Variants in HS3ST3A1 observed in about 807,000 individuals in gnomAD.
HS3ST3A1 encodes the protein heparan sulfate-glucosamine 3-sulfotransferase 3A1.
A neutral mutation model predicts 25.7 loss-of-function variants in HS3ST3A1; 19 were observed. The observed-to-expected ratio is 0.74, with a 90% confidence interval of 0.52 to 1.08. HS3ST3A1 has a LOEUF of 1.08. Ranked by LOEUF, HS3ST3A1 falls within the 50% of genes least tolerant of loss-of-function variation. HS3ST3A1 has a pLI of 0.00. For missense variants in HS3ST3A1, 459 were observed against 594.3 expected, an observed-to-expected ratio of 0.77 and a Z score of 2.37; for synonymous variants, 226 against 278.6, an observed-to-expected ratio of 0.81 and a Z score of 1.88.
intron 1 of HS3ST3A1, among the ~76,000 whole-genome samples, chr17:13,520,656 C>A (rs952795502): frequency 2.6e-5 from 4 of 151,610 alleles, no homozygotes; most frequent in Non-Finnish European, 5.9e-5. Flanking sequence ...GCTCTGTCAC[C>A]CAGGCTGGAG....
intron 1 of HS3ST3A1, among the ~76,000 whole-genome samples, chr17:13,497,842 A>C (rs539037372): frequency 6.6e-6 from 1 of 152,294 alleles, no homozygotes; most frequent in Non-Finnish European, 1.5e-5. Context: ...TGTATCTTTA[A>C]TCCTGATGAT....
intron 1 of HS3ST3A1, among the ~76,000 whole-genome samples, chr17:13,589,737 G>T (rs1222163447): frequency 2.0e-5 from 3 of 152,184 alleles, no homozygotes; most frequent in Non-Finnish European, 4.4e-5. Context: ...TCTGTGAAAT[G>T]AAATCACTGC....
chr17:13,525,669 A>C (rs1467072385), intron 1 of HS3ST3A1, among the ~76,000 whole-genome samples: 1 of 152,134 alleles, frequency 6.6e-6, no homozygotes, highest in Admixed American at 6.5e-5. Context: ...CAGGACATTC[A>C]TTCTGATCCC....
intron 1 of HS3ST3A1, among the ~76,000 whole-genome samples, chr17:13,572,834 G>GTTA (rs1907854142): frequency 6.6e-6 from 1 of 152,206 alleles, no homozygotes; most frequent in African/African-American, 2.4e-5. Flanking sequence ...GGAACTAGCC[G>GTTA]TCCTGTTAGG....
At chr17:13,497,475 C>G (rs1370318906) in intron 1 of HS3ST3A1, among the ~76,000 whole-genome samples, 1 of 152,156 alleles carries the variant, frequency 6.6e-6, no homozygotes, top group Non-Finnish European at 1.5e-5. Flanking sequence ...TCATGTACAC[C>G]AAAGTAAATT....
Position 13,531,032 on chromosome 17 carries a change from T to C in HS3ST3A1, c.600-34214A>G, listed in dbSNP as rs1387500734. On this transcript the variant is annotated intron_variant, in intron 1 of 1. Transcript: ENST00000284110. ...TCCATTTGATTGGGTCAAGCAACTATTCCTGAGGTCGATTCAGTGTCATCT... is the reference window on the plus strand; with the variant it reads ...TCCATTTGATTGGGTCAAGCAACTACTCCTGAGGTCGATTCAGTGTCATCT... 2.0e-5 allele frequency among the ~76,000 whole-genome samples: 3 copies of C among 152,204 alleles called. No homozygotes were observed. In the East Asian group the frequency reaches 5.8e-4, roughly 29 times the overall value.
chr17:13,501,676 T>C (rs1037400377), intron 1 of HS3ST3A1, among the ~76,000 whole-genome samples: 4 of 152,002 alleles, frequency 2.6e-5, no homozygotes, highest in Non-Finnish European at 5.9e-5. Context: ...AAGCCAAAGG[T>C]TCAAAATTCC....
In HS3ST3A1 at chr17:13,530,005, T is replaced by TACACACACACAC. The variant is rs3220827; in HGVS notation, c.600-33199_600-33188dup. 2.1e-3 allele frequency among the ~76,000 whole-genome samples: 318 copies of TACACACACACAC among 149,168 alleles called. 1 individual carries two copies. The highest frequency in any genetic ancestry group is 7.5e-3 in the African/African-American group (301 of 40,372). On this transcript the variant is annotated intron_variant, in intron 1 of 1. Transcript: ENST00000284110. The stretch of plus-strand genomic sequence containing the variant: ...ACAGCAATCAATCAATTTATGTAAC[T>TACACACACACAC]ACACACACACACACACACACACACA...
intron 1 of HS3ST3A1, among the ~76,000 whole-genome samples, chr17:13,574,111 T>G (rs1907886907): frequency 6.6e-6 from 1 of 151,306 alleles, no homozygotes; most frequent in Admixed American, 6.6e-5. Flanking sequence ...ATTAATTCAG[T>G]ATATACCCAT....
At chr17:13,496,906 C>T (rs1408000501) in intron 1 of HS3ST3A1, 88 bp from the exon 2 acceptor site, 10 of 1,518,804 alleles carry the variant, frequency 6.6e-6, no homozygotes, top group Non-Finnish European at 8.8e-6. Flanking sequence ...AGCCAGGCCG[C>T]AATTCCAGCC....
intron 1 of HS3ST3A1, among the ~76,000 whole-genome samples, chr17:13,562,450 A>G (rs1424120336): frequency 1.3e-5 from 2 of 152,130 alleles, no homozygotes; most frequent in East Asian, 1.9e-4. Flanking sequence ...ACCCTATCCA[A>G]TTCCTGACAT....
intron 1 of HS3ST3A1, among the ~76,000 whole-genome samples, chr17:13,598,518 G>A (rs1211293950): frequency 3.3e-5 from 5 of 152,120 alleles, no homozygotes; most frequent in African/African-American, 7.2e-5. Context: ...TCAGCAAACC[G>A]TGAAGTCTAC....
intron 1 of HS3ST3A1, among the ~76,000 whole-genome samples, chr17:13,522,695 G>C (rs1274856487): frequency 6.6e-6 from 1 of 152,034 alleles, no homozygotes; most frequent in Non-Finnish European, 1.5e-5. Context: ...AATTAGACAA[G>C]AAAATGGCAT....
chr17:13,584,535 G>GAAGGAAGGAAGGAAAA (rs757158190), intron 1 of HS3ST3A1, among the ~76,000 whole-genome samples: 39 of 145,892 alleles, frequency 2.7e-4, no homozygotes, highest in East Asian at 5.9e-4. Context: ...AGGAAGGAAA[G>GAAGGAAGGAAGGAAAA]AAGGAAGGAA....
chr17:13,519,068 G>T lies in HS3ST3A1; in HGVS notation c.600-22250C>A, dbSNP rs900093573. Among the ~76,000 whole-genome samples, 4 of 152,246 alleles carry T rather than the reference G, an allele frequency of 2.6e-5. No individual in the cohort carries two copies. In the East Asian group the frequency reaches 7.7e-4, roughly 29 times the overall value. On this transcript the variant is annotated intron_variant, in intron 1 of 1. Coordinates refer to ENST00000284110, the MANE Select transcript of HS3ST3A1 (RefSeq NM_006042.3). ...AGATACATAACAAATTATTAACAGTGGTTACCTCTAGGAAATGGAATGGGT... is the reference window on the plus strand; with the variant it reads ...AGATACATAACAAATTATTAACAGTTGTTACCTCTAGGAAATGGAATGGGT...
Position 13,495,990 on chromosome 17 carries a change from A to G in HS3ST3A1, c.*207T>C, listed in dbSNP as rs1905252583. 1 of 555,304 alleles carries G rather than the reference A, an allele frequency of 1.8e-6. No homozygotes were observed. 34.4% of individuals were successfully genotyped at this position (555,304 alleles called of 1,614,324 possible). On this transcript the variant is annotated 3_prime_UTR_variant, in exon 2 of 2. Coordinates refer to ENST00000284110, the MANE Select transcript of HS3ST3A1 (RefSeq NM_006042.3). ...AAAACTGAAAATTGAAAGTGTTTAG[A>G]CGAGTGAAATTTTCCTTTTCTGTTG...
At chr17:13,585,186 C>CTTGTTT (rs1908219498) in intron 1 of HS3ST3A1, among the ~76,000 whole-genome samples, 1 of 33,234 alleles carries the variant, frequency 3.0e-5, no homozygotes, top group African/African-American at 1.2e-4. Flanking sequence ...TTTTTCTGTG[C>CTTGTTT]TTTTTTTTTT....
intron 1 of HS3ST3A1, among the ~76,000 whole-genome samples, chr17:13,564,288 C>T (rs1907621835): frequency 1.3e-5 from 2 of 152,172 alleles, no homozygotes; most frequent in African/African-American, 4.8e-5. Flanking sequence ...GGTTCAGATG[C>T]TTTTTGGCAG....
At chr17:13,585,996 G>A (rs1481916475) in intron 1 of HS3ST3A1, among the ~76,000 whole-genome samples, 1 of 151,368 alleles carries the variant, frequency 6.6e-6, no homozygotes, top group Non-Finnish European at 1.5e-5. Flanking sequence ...CTACGGGCGC[G>A]GACTACCAAG....
Sources: allele counts gnomAD v4.1 joint callset (sites outside exome capture counted in the v4.1 genomes callset), GRCh38; gene constraint gnomAD v4.1.1; transcripts MANE v1.5; gene names NCBI Gene and HGNC (gene_info 2026-07-23, HGNC 2026-07-21).